Variants in SLC5A8 observed in about 807,000 individuals in gnomAD.
SLC5A8 encodes sodium-coupled monocarboxylate transporter 1.
A neutral mutation model predicts 71.9 loss-of-function variants in SLC5A8; 55 were observed. The observed-to-expected ratio is 0.77, with a 90% CI of 0.62 to 0.96. The LOEUF (loss-of-function observed/expected upper bound fraction) is 0.96. Ranked by LOEUF, SLC5A8 falls within the 40% of genes least tolerant of loss-of-function variation. The pLI is 0.00. For synonymous variants in SLC5A8, 307 were observed against 276.1 expected, an observed-to-expected ratio of 1.11 and a Z score of -1.11; for missense variants, 701 against 745.3, an observed-to-expected ratio of 0.94 and a Z score of 0.69.
rs1290199715 is a variant in SLC5A8, at chr12:101,156,100, A to T, written c.*1179T>A. The T allele has an allele frequency of 6.6e-6, 1 of 152,178 alleles. No homozygotes were observed. The highest frequency in any genetic ancestry group is 1.5e-5 in the Non-Finnish European group (1 of 68,038). 9.4% of individuals were successfully genotyped at this position (152,178 alleles called of 1,614,324 possible). A position where few individuals can be genotyped will look rare whatever the true frequency, so the allele number is the denominator to read the frequency against. ...CTAAGCAACTTTGAGACTGCTACTT[A>T]AAAATTTTAAAACATGGAACAAAGC... On this transcript the variant is annotated 3_prime_UTR_variant, in exon 15 of 15. Transcript: ENST00000536262.
In SLC5A8 at chr12:101,193,773, G is replaced by T; in HGVS notation, c.544C>A (p.Leu182Ile). The change falls in exon 5 of 15, where the codon CTT becomes ATT. Residue 182 changes from leucine (L) to isoleucine (I), a missense_variant. By Grantham distance (5) the Leu-to-Ile change is conservative. Coordinates refer to ENST00000536262, the MANE Select transcript of SLC5A8 (RefSeq NM_145913.5). Reference protein sequence around the residue: ...VCTFYCTLGGLKAVIWTDVFQ... With the variant: ...VCTFYCTLGGIKAVIWTDVFQ... ...ACATCTGTCCAGATAACTGCTTTAAGACCACCCTTTGAGGGGAAAGTATAT... is the reference window on the plus strand; with the variant it reads ...ACATCTGTCCAGATAACTGCTTTAATACCACCCTTTGAGGGGAAAGTATAT... The T allele has an allele frequency of 6.2e-7, 1 of 1,613,800 alleles. No homozygotes were observed. The highest frequency in any genetic ancestry group is 8.5e-7 in the Non-Finnish European group (1 of 1,179,952).
At chr12:101,199,136 T>C (rs1869324557) in intron 3 of SLC5A8, 1 of 151,870 alleles carries the variant, frequency 6.6e-6, no homozygotes, top group Admixed American at 6.6e-5. Flanking sequence ...AATAAAACAA[T>C]GACATTTGCA....
chr12:101,195,227 A>T, intron 3 of SLC5A8, 65 bp from the exon 4 acceptor site: 1 of 1,538,230 alleles, frequency 6.5e-7, no homozygotes, highest in Non-Finnish European at 8.9e-7. Context: ...ATCCTCAAAA[A>T]TCATCAGAGA....
At chr12:101,206,322 AT>A (rs1464694121) in intron 1 of SLC5A8, among the ~76,000 whole-genome samples, 1 of 152,194 alleles carries the variant, frequency 6.6e-6, no homozygotes, top group Non-Finnish European at 1.5e-5. Context: ...TTAGAAGTTT[AT>A]TTTTGGTTTG....
chr12:101,169,556 G>A (rs894061653), intron 10 of SLC5A8, among the ~76,000 whole-genome samples: 2 of 152,108 alleles, frequency 1.3e-5, no homozygotes, highest in Non-Finnish European at 2.9e-5. Flanking sequence ...AACCAGAATG[G>A]CCCCAAGCCT....
In SLC5A8 at chr12:101,182,829, G is replaced by A. The variant is rs1442552728; in HGVS notation, c.1139C>T (p.Ser380Phe). ...CATTCCTTGGGAAATCCAAGACAGA[G>A]ACCTTTCTGAGAGCGATCTGAAGTA... is the stretch of plus-strand genomic sequence containing the variant. ...KPYFRSLSERSLSWISQGMSV... is the reference protein window; with the variant it reads ...KPYFRSLSERFLSWISQGMSV... The change falls in exon 9 of 15, where the codon TCT (serine) becomes TTT (phenylalanine). Residue 380 changes from serine to phenylalanine, a missense_variant. Ser to Phe is a radical substitution (Grantham distance 155). Coordinates refer to ENST00000536262, the MANE Select transcript of SLC5A8 (RefSeq NM_145913.5). 6.3e-7 allele frequency: 1 copy of A among 1,591,302 alleles called. No homozygotes were observed.
intron 7 of SLC5A8, among the ~76,000 whole-genome samples, chr12:101,186,271 T>C (rs1868642569): frequency 6.6e-6 from 1 of 152,026 alleles, no homozygotes; most frequent in African/African-American, 2.4e-5. Context: ...TTACCTTCTC[T>C]GAGAGAACAG....
chr12:101,170,474 C>T (rs968128399), intron 10 of SLC5A8, among the ~76,000 whole-genome samples: 16 of 152,218 alleles, frequency 1.1e-4, no homozygotes, highest in African/African-American at 3.6e-4. Flanking sequence ...GGTGAGTTCC[C>T]TAAGTTTTCT....
chr12:101,164,680 CCTGA>C (rs1197964098), intron 12 of SLC5A8, among the ~76,000 whole-genome samples: 1 of 152,116 alleles, frequency 6.6e-6, no homozygotes, highest in African/African-American at 2.4e-5. Context: ...AATCCTGCTA[CCTGA>C]CTAACTCCAG....
intron 10 of SLC5A8, among the ~76,000 whole-genome samples, chr12:101,177,570 C>T (rs184498872): frequency 6.6e-6 from 1 of 151,742 alleles, no homozygotes; most frequent in Non-Finnish European, 1.5e-5. Context: ...ACATATAATT[C>T]AGCAATATAT....
At chr12:101,188,748 C>T (rs1782274747) in intron 6 of SLC5A8, among the ~76,000 whole-genome samples, 1 of 152,226 alleles carries the variant, frequency 6.6e-6, no homozygotes, top group Admixed American at 6.5e-5. Context: ...ATTTATCCTT[C>T]TCCCTTGAAT....
chr12:101,159,964 C>T (rs1471656006), intron 13 of SLC5A8, among the ~76,000 whole-genome samples: 1 of 152,148 alleles, frequency 6.6e-6, no homozygotes, highest in Non-Finnish European at 1.5e-5. Flanking sequence ...GGCAGATCAC[C>T]TGAGGTCAGG....
At chr12:101,192,352 C>G (rs1868951164) in intron 5 of SLC5A8, among the ~76,000 whole-genome samples, 1 of 152,174 alleles carries the variant, frequency 6.6e-6, no homozygotes, top group South Asian at 2.1e-4. Flanking sequence ...AAAGCTTTTT[C>G]TCAAACTTTG....
chr12:101,177,806 C>T (rs1460081433), intron 10 of SLC5A8, among the ~76,000 whole-genome samples: 3 of 152,076 alleles, frequency 2.0e-5, no homozygotes, highest in African/African-American at 4.8e-5. Context: ...TAGAGAGTTT[C>T]CTGTTCACAT....
At position 101,170,677 on chromosome 12, in the gene SLC5A8, C is replaced by G. The variant is rs550269485; in HGVS notation, c.1234-2495G>C. On this transcript the variant is annotated intron_variant, in intron 10 of 14. Coordinates refer to ENST00000536262, the MANE Select transcript of SLC5A8 (RefSeq NM_145913.5). ...TAGACCCCAACCGCTCCATTCCATC[C>G]GAACACCACAGAATAATCTGTTCAC... is the stretch of plus-strand genomic sequence containing the variant. 3.9e-5 allele frequency among the ~76,000 whole-genome samples: 6 copies of G among 152,250 alleles called. 1 individual carries two copies. The South Asian group carries it at 1.0e-3, about 26-fold the overall frequency.
rs779876018 is a variant in SLC5A8, at chr12:101,204,519, A to G, written c.398T>C (p.Val133Ala). ...ACTTACTGTTTGAACAATGAAGAGG[A>G]CTGTTCCACAGAGACGAACACATTT... ...FNKCVRLCGTVLFIVQTILYT... is the reference protein window; with the variant it reads ...FNKCVRLCGTALFIVQTILYT... Residue 133 changes from valine to alanine, a missense_variant, in exon 2 of 15, where the codon GTC becomes GCC. Coordinates refer to ENST00000536262, the MANE Select transcript of SLC5A8 (RefSeq NM_145913.5). 2.5e-6 allele frequency: 4 copies of G among 1,599,180 alleles called. No individual in the cohort carries two copies. The highest frequency in any genetic ancestry group is 3.4e-6 in the Non-Finnish European group (4 of 1,175,940).
Position 101,157,480 on chromosome 12 carries a change from A to G in SLC5A8, c.1711-79T>C, listed in dbSNP as rs2051676421. ...CATGTAATTCTAAATAATTGTTTCT[A>G]CTATTTTTATTTCTCTGCATCAGCT... On this transcript the variant is annotated intron_variant, in intron 14 of 14. Coordinates refer to ENST00000536262, the MANE Select transcript of SLC5A8 (RefSeq NM_145913.5). The G allele has an allele frequency of 3.4e-6, 5 of 1,469,808 alleles. No homozygotes were observed. The South Asian group carries it at 5.4e-5, about 16-fold the overall frequency. The allele number at this position is 1,469,808 out of a possible 1,614,324, so 91.0% of individuals were successfully genotyped here.
chr12:101,202,614 G>A (rs1452231111), intron 2 of SLC5A8, among the ~76,000 whole-genome samples: 1 of 151,818 alleles, frequency 6.6e-6, no homozygotes, highest in African/African-American at 2.4e-5. Context: ...GTTAATCCCT[G>A]CATAATTAAT....
chr12:101,191,240 C>T (rs1868896622), intron 5 of SLC5A8, among the ~76,000 whole-genome samples: 1 of 152,156 alleles, frequency 6.6e-6, no homozygotes, highest in Non-Finnish European at 1.5e-5. Flanking sequence ...AAGTCCAAAA[C>T]ATTGTCACAG....
Sources: gnomAD v4.1 joint callset for allele counts (sites outside exome capture counted in the v4.1 genomes callset) on GRCh38, gnomAD v4.1.1 for gene constraint, MANE v1.5 for transcripts, NCBI Gene and HGNC (gene_info 2026-07-23, HGNC 2026-07-21) for gene names.